Variants in MAD1L1 observed in about 807,000 individuals in gnomAD.
MAD1L1 encodes mitotic spindle assembly checkpoint protein MAD1.
Under a neutral mutation model 96.9 loss-of-function variants are expected in MAD1L1, and 95 were observed. The ratio of observed to expected loss-of-function variants is 0.98; its 90% CI spans 0.83 to 1.16. The LOEUF (loss-of-function observed/expected upper bound fraction) is 1.16, where lower values mean the gene tolerates loss of function less well. MAD1L1 is among the 50% of genes most tolerant of loss of function. The pLI is 0.00. For missense variants in MAD1L1, 1,007 were observed against 954.4 expected (o/e 1.06, Z -0.73); for synonymous variants, 473 against 396.6 (o/e 1.19, Z -2.29).
chr7:1,854,879 C>T (rs1784165271), intron 18 of MAD1L1, among the ~76,000 whole-genome samples: 1 of 152,222 alleles, frequency 6.6e-6, no homozygotes, highest in Non-Finnish European at 1.5e-5. Context: ...GGTGCCAGGC[C>T]CCAGGCAGGC....
chr7:2,069,143 C>A (rs1327538312), intron 12 of MAD1L1, 51 bp downstream of exon 12: 2 of 1,517,376 alleles, frequency 1.3e-6, no homozygotes, highest in South Asian at 1.3e-5. Flanking sequence ...CAGGTGTGCA[C>A]TGACCCGCAG....
chr7:1,964,516 C>T (rs1374803222), intron 15 of MAD1L1, among the ~76,000 whole-genome samples: 2 of 152,202 alleles, frequency 1.3e-5, no homozygotes, highest in East Asian at 1.9e-4. Context: ...AGAGAACAAA[C>T]GAATAAACAA....
intron 12 of MAD1L1, among the ~76,000 whole-genome samples, chr7:2,023,850 G>A (rs991983683): frequency 1.3e-5 from 2 of 152,242 alleles, no homozygotes; most frequent in South Asian, 2.1e-4. Context: ...TTGGAAGACC[G>A]AGGCAGGAGA....
chr7:1,868,905 G>A (rs776181104), intron 18 of MAD1L1, among the ~76,000 whole-genome samples: 9 of 152,172 alleles, frequency 5.9e-5, no homozygotes, highest in Non-Finnish European at 8.8e-5. Context: ...TTCCCCACAC[G>A]GACGAAGCTG....
At chr7:2,156,223 G>A (rs1789835538) in intron 10 of MAD1L1, among the ~76,000 whole-genome samples, 1 of 150,484 alleles carries the variant, frequency 6.6e-6, no homozygotes, top group African/African-American at 2.5e-5. Context: ...CACGGCGCGT[G>A]TGGCGAGGGG....
chr7:1,949,794 C>A (rs976298524), intron 16 of MAD1L1, among the ~76,000 whole-genome samples: 1 of 152,276 alleles, frequency 6.6e-6, no homozygotes, highest in African/African-American at 2.4e-5. Context: ...TGTCCAAGAG[C>A]CGCGGGGACT....
At chr7:1,959,769 C>G (rs1283027798) in intron 15 of MAD1L1, among the ~76,000 whole-genome samples, 1 of 152,160 alleles carries the variant, frequency 6.6e-6, no homozygotes, top group Non-Finnish European at 1.5e-5. Flanking sequence ...CATCATCAGC[C>G]GACCTGCTCT....
Position 1,983,150 on chromosome 7 carries a change from GCGCGCACACACACACACACA to G in MAD1L1, c.1417-2629_1417-2610del, listed in dbSNP as rs1393174298. ...CCCACAGACGCGCGCGCGCGCGCGC[GCGCGCACACACACACACACA>G]CACACACACACACACACAGGCTTGT... On this transcript the variant is annotated intron_variant, in intron 14 of 18. Transcript: ENST00000265854. Among the ~76,000 whole-genome samples, 70 of 93,296 alleles carry G rather than the reference GCGCGCACACACACACACACA, an allele frequency of 7.5e-4. 1 individual carries two copies. The highest frequency in any genetic ancestry group is 1.3e-3 in the African/African-American group (32 of 24,730). The allele number at this position is 93,296 out of a possible 152,430, so 61.2% of individuals were successfully genotyped here.
At chr7:2,171,032 T>G (rs1331378549) in intron 10 of MAD1L1, among the ~76,000 whole-genome samples, 1 of 152,216 alleles carries the variant, frequency 6.6e-6, no homozygotes, top group Non-Finnish European at 1.5e-5. Context: ...ACAGATGATT[T>G]AGCAAGACAG....
intron 10 of MAD1L1, among the ~76,000 whole-genome samples, chr7:2,161,938 A>G (rs796421674): frequency 7.2e-6 from 1 of 138,816 alleles, no homozygotes; most frequent in Non-Finnish European, 1.6e-5. Context: ...GGTGGGGGGC[A>G]GCCCCCACCC....
intron 11 of MAD1L1, among the ~76,000 whole-genome samples, chr7:2,083,336 G>A (rs1433454036): frequency 2.0e-5 from 3 of 152,192 alleles, no homozygotes; most frequent in African/African-American, 7.2e-5. Flanking sequence ...CACTTGACTT[G>A]AGAAATGCCA....
intron 10 of MAD1L1, among the ~76,000 whole-genome samples, chr7:2,164,261 G>A (rs1045537886): frequency 1.3e-5 from 2 of 152,160 alleles, no homozygotes; most frequent in Admixed American, 6.5e-5. Context: ...CCAGAGTGCC[G>A]ACTGATGCAA....
At chr7:1,973,578 T>C (rs1365371687) in intron 15 of MAD1L1, among the ~76,000 whole-genome samples, 2 of 151,926 alleles carry the variant, frequency 1.3e-5, no homozygotes, top group Admixed American at 6.5e-5. Context: ...AGAGCGGGAA[T>C]GTGTACCCCA....
chr7:2,126,499 G>A (rs1788238014), intron 11 of MAD1L1, among the ~76,000 whole-genome samples: 1 of 152,154 alleles, frequency 6.6e-6, no homozygotes, highest in Admixed American at 6.5e-5. Context: ...AGGCCTGGGG[G>A]GCAGCGGGGA....
chr7:1,925,814 G>A (rs533560271), intron 17 of MAD1L1, among the ~76,000 whole-genome samples: 8 of 152,298 alleles, frequency 5.3e-5, no homozygotes, highest in Middle Eastern at 3.4e-3. Context: ...AACACGGAAC[G>A]CTTACGTTGG....
At position 1,865,565 on chromosome 7, in the gene MAD1L1, G is replaced by C. The variant is rs190436241; in HGVS notation, c.1998+32635C>G. Among the ~76,000 whole-genome samples, 348 of 152,324 alleles carry C rather than the reference G, an allele frequency of 2.3e-3. 2 individuals carry two copies. The highest frequency in any genetic ancestry group is 7.9e-3 in the African/African-American group (329 of 41,562). ...CAGATGGGAAGATGAGTCTTTTTAC[G>C]ATGCAGGGAGGACTGGAGACCTGAG... is the stretch of plus-strand genomic sequence containing the variant. On this transcript the variant is annotated intron_variant, in intron 18 of 18. Coordinates refer to ENST00000265854, the MANE Select transcript of MAD1L1 (RefSeq NM_001013836.2).
intron 18 of MAD1L1, among the ~76,000 whole-genome samples, chr7:1,838,358 T>C (rs1422592669): frequency 6.6e-6 from 1 of 152,188 alleles, no homozygotes; most frequent in East Asian, 1.9e-4. Context: ...AAAATGCATT[T>C]CCACACACAA....
intron 10 of MAD1L1, among the ~76,000 whole-genome samples, chr7:2,186,063 G>T (rs1024695188): frequency 1.3e-5 from 2 of 152,156 alleles, no homozygotes; most frequent in Non-Finnish European, 1.5e-5. Flanking sequence ...GGCAAAAATC[G>T]GAAACACTAA....
At chr7:2,221,127 C>A in intron 5 of MAD1L1, 5 of 1,079,030 alleles carry the variant, frequency 4.6e-6, no homozygotes, top group Non-Finnish European at 4.0e-6. Flanking sequence ...GCACCTGCAG[C>A]GCCACCATCT....
Sources: gnomAD v4.1 joint callset for allele counts (sites outside exome capture counted in the v4.1 genomes callset) on GRCh38, gnomAD v4.1.1 for gene constraint, MANE v1.5 for transcripts, NCBI Gene and HGNC (gene_info 2026-07-23, HGNC 2026-07-21) for gene names.